ZNF221: variants seen among roughly 807,000 people sequenced by gnomAD.
ZNF221 encodes zinc finger protein 221.
In ZNF221, 10 loss-of-function variants were observed where a neutral mutation model predicts 12.6. That is an observed-to-expected ratio of 0.79 (90% CI 0.49 to 1.34). The LOEUF (loss-of-function observed/expected upper bound fraction) is 1.34. Among genes scored for constraint, ZNF221 ranks in the 40% most tolerant of loss-of-function variants. ZNF221 has a pLI of 0.00. For missense variants in ZNF221, 661 were observed against 721.4 expected (o/e 0.92, Z 0.96); for synonymous variants, 232 against 244.0 (o/e 0.95, Z 0.46).
At chr19:43,981,469 A>T in the ZNF221 span, among the ~76,000 whole-genome samples, 1 of 152,224 alleles carries the variant, frequency 6.6e-6, no homozygotes, top group Non-Finnish European at 1.5e-5. Context: ...ATAATATACA[A>T]ATGTACAAGT....
chr19:43,963,825 T>G (rs1449725196), intron 2 of ZNF221, among the ~76,000 whole-genome samples: 1 of 152,208 alleles, frequency 6.6e-6, no homozygotes, highest in African/African-American at 2.4e-5. Flanking sequence ...TTCTTCCTAA[T>G]CATATTACCG....
Position 43,967,424 on chromosome 19 carries a change from G to T in ZNF221, c.*68G>T. Reference sequence around the variant, plus strand: ...TCTGACCCATCAATTCTCCACAGCAGAGAAAAACCATTCAAATATGAGAAC... The same window carrying T: ...TCTGACCCATCAATTCTCCACAGCATAGAAAAACCATTCAAATATGAGAAC... On this transcript the variant is annotated 3_prime_UTR_variant, in exon 5 of 5. Transcript: ENST00000587682. The T allele has an allele frequency of 8.4e-7, 1 of 1,186,242 alleles. No individual in the cohort carries two copies. The highest frequency in any genetic ancestry group is 1.2e-6 in the Non-Finnish European group (1 of 830,478). The allele number at this position is 1,186,242 out of a possible 1,614,324, so 73.5% of individuals were successfully genotyped here.
chr19:43,957,194 T>G (rs11878420), intron 1 of ZNF221, among the ~76,000 whole-genome samples: 111,991 of 152,006 alleles, frequency 0.74, 43,139 homozygotes, highest in Non-Finnish European at 0.86. Context: ...TTTTTTATTT[T>G]TTTTGAGATG....
chr19:43,980,737 A>G, the ZNF221 span, among the ~76,000 whole-genome samples: 1 of 152,160 alleles, frequency 6.6e-6, no homozygotes, highest in African/African-American at 2.4e-5. Flanking sequence ...ACGATCAAAA[A>G]ATAGCGTCAC....
At position 43,965,979 on chromosome 19, in the gene ZNF221, ACTAT is replaced by A. The variant is rs1312763282; in HGVS notation, c.482_485del (p.Ser161Ter). 1 of 1,614,246 alleles carries A rather than the reference ACTAT, an allele frequency of 6.2e-7. No homozygotes were observed. Among genetic ancestry groups the A allele is most frequent in the Non-Finnish European group, 8.5e-7 (1 of 1,180,036 alleles). ...ATGTCCCCTGCCAGATTGAGGCAAG[ACTAT>A]CTATAAGTCACGTGCAACAGAAACC... is the stretch of plus-strand genomic sequence containing the variant. On this transcript the variant is annotated frameshift_variant, in exon 5 of 5. Coordinates refer to ENST00000587682, the MANE Select transcript of ZNF221 (RefSeq NM_001297588.2). LOFTEE classifies it low-confidence loss of function (END_TRUNC).
In ZNF221 at chr19:43,966,445, T is replaced by C. The variant is rs1337100390; in HGVS notation, c.943T>C (p.Cys315Arg). The C allele has an allele frequency of 6.2e-6, 10 of 1,614,078 alleles. No homozygotes were observed. The highest frequency in any genetic ancestry group is 8.5e-6 in the Non-Finnish European group (10 of 1,180,048). ...GGAGAAGCCATTCAAATGTGATATA[T>C]GTGGTAAGAGCTTCCGTGTTAGATC... is the stretch of plus-strand genomic sequence containing the variant. The part of the protein sequence containing the change: ...TGEKPFKCDI[C>R]GKSFRVRSRL... Residue 315 changes from cysteine to arginine, a missense_variant, in exon 5 of 5, where the codon TGT (cysteine) becomes CGT (arginine). Physicochemically the swap from Cys to Arg is radical, Grantham distance 180. Coordinates refer to ENST00000587682, the MANE Select transcript of ZNF221 (RefSeq NM_001297588.2).
Position 43,967,420 on chromosome 19 carries a change from A to G in ZNF221, c.*64A>G. 2 of 1,242,824 alleles carry G rather than the reference A, an allele frequency of 1.6e-6. No individual in the cohort carries two copies. Among genetic ancestry groups the G allele is most frequent in the Non-Finnish European group, 1.1e-6 (1 of 878,650 alleles). 77.0% of individuals were successfully genotyped at this position (1,242,824 alleles called of 1,614,324 possible). On this transcript the variant is annotated 3_prime_UTR_variant, in exon 5 of 5. Coordinates refer to ENST00000587682, the MANE Select transcript of ZNF221 (RefSeq NM_001297588.2). ...CTCATCTGACCCATCAATTCTCCAC[A>G]GCAGAGAAAAACCATTCAAATATGA... is the stretch of plus-strand genomic sequence containing the variant.
the ZNF221 span, among the ~76,000 whole-genome samples, chr19:43,978,942 T>G: frequency 0.056 from 8,160 of 146,022 alleles, 225 homozygotes; most frequent in Middle Eastern, 0.087. Flanking sequence ...TGTTTTTTTT[T>G]TTTTTTTTTT....
intron 1 of ZNF221, among the ~76,000 whole-genome samples, chr19:43,959,385 C>T (rs1276492023): frequency 6.6e-6 from 1 of 152,174 alleles, no homozygotes; most frequent in African/African-American, 2.4e-5. Flanking sequence ...AAAATTCGAA[C>T]TTGGTCAAGC....
Position 43,962,811 on chromosome 19 carries a change from A to C in ZNF221, c.81+4A>C. 1 of 1,612,390 alleles carries C rather than the reference A, an allele frequency of 6.2e-7. No individual in the cohort carries two copies. The highest frequency in any genetic ancestry group is 8.5e-7 in the Non-Finnish European group (1 of 1,178,858). ...AGGAAAAATGACCACATTCAAAGTGAGTAGGGCTTGCCTCTCTTGCTGTTA... is the reference window on the plus strand; with the variant it reads ...AGGAAAAATGACCACATTCAAAGTGCGTAGGGCTTGCCTCTCTTGCTGTTA... On this transcript the variant is annotated splice_donor_region_variant and intron_variant, in intron 2 of 4. Coordinates refer to ENST00000587682, the MANE Select transcript of ZNF221 (RefSeq NM_001297588.2).
At position 43,966,788 on chromosome 19, in the gene ZNF221, A is replaced by C. The variant is rs768629720; in HGVS notation, c.1286A>C (p.Lys429Thr). The change falls in exon 5 of 5, where the codon AAG (lysine) becomes ACG (threonine). Residue 429 changes from lysine (K) to threonine (T), a missense_variant. Coordinates refer to ENST00000587682, the MANE Select transcript of ZNF221 (RefSeq NM_001297588.2). ...TCCTTCAAATGTGAAGAATGTGGGA[A>C]GGGATTTTATACAAATTCACGACGA... is the stretch of plus-strand genomic sequence containing the variant. ...QKSFKCEECG[K>T]GFYTNSRRSS... 1 of 1,614,222 alleles carries C rather than the reference A, an allele frequency of 6.2e-7. No individual in the cohort carries two copies. Among genetic ancestry groups the C allele is most frequent in the East Asian group, 2.2e-5 (1 of 44,890 alleles).
At chr19:43,958,430 G>A (rs912948819) in intron 1 of ZNF221, among the ~76,000 whole-genome samples, 1 of 152,166 alleles carries the variant, frequency 6.6e-6, no homozygotes, top group African/African-American at 2.4e-5. Flanking sequence ...ATCCCACCGA[G>A]CATTTATAGG....
chr19:43,966,723 A>G lies in ZNF221; in HGVS notation c.1221A>G (p.Ser407=). 2 of 1,614,240 alleles carry G rather than the reference A, an allele frequency of 1.2e-6. No individual in the cohort carries two copies. Among genetic ancestry groups the G allele is most frequent in the African/African-American group, 1.3e-5 (1 of 75,058 alleles). ...GTGGGAAGACCTTCAGATGGTCCTC[A>G]TGTCTTTTGAACCATCAGCAAGTCC... ...KECGKTFRWS[S]CLLNHQQVHS... is the part of the protein sequence containing the mutation. Residue 407 remains serine (S), a synonymous_variant, in exon 5 of 5, where the codon TCA becomes TCG. Coordinates refer to ENST00000587682, the MANE Select transcript of ZNF221 (RefSeq NM_001297588.2).
intron 4 of ZNF221, 36 bp downstream of exon 4, chr19:43,965,361 C>G (rs1974923858): frequency 6.5e-7 from 1 of 1,547,426 alleles, no homozygotes; most frequent in Non-Finnish European, 8.8e-7. Flanking sequence ...TTGTACATGA[C>G]TCTTCCATCT....
intron 1 of ZNF221, 102 bp from the exon 2 acceptor site, chr19:43,962,623 T>G: frequency 8.7e-7 from 1 of 1,151,058 alleles, no homozygotes; most frequent in South Asian, 1.2e-5. Context: ...AATGCTGCTA[T>G]GAACATTCAT....
chr19:43,971,624 C>T (rs538822161), downstream of ZNF221, among the ~76,000 whole-genome samples: 2 of 133,770 alleles, frequency 1.5e-5, no homozygotes, highest in Non-Finnish European at 3.2e-5. Flanking sequence ...TTTGACAAAA[C>T]AGACTTTAAA....
At chr19:43,963,491 G>C (rs1042514975) in intron 2 of ZNF221, among the ~76,000 whole-genome samples, 5 of 152,194 alleles carry the variant, frequency 3.3e-5, no homozygotes, top group African/African-American at 9.7e-5. Context: ...GCTAGATTCT[G>C]TGTTTGCCAT....
chr19:43,962,762 ACT>A lies in ZNF221; in HGVS notation c.39_40del (p.Cys14GlnfsTer4), dbSNP rs780956282. The A allele has an allele frequency of 1.9e-6, 3 of 1,613,754 alleles. No individual in the cohort carries two copies. The African/African-American group carries it at 4.0e-5, about 22-fold the overall frequency. Reference protein sequence around the residue: ...SPSLELLHSGLCKFPEVEGKM... With the variant: ...SPSLELLHSGXCKFPEVEGKM... Reference sequence around the variant, plus strand: ...CTTCACTTGAACTGCTTCATTCAGGACTCTGCAAATTCCCTGAAGTAGAAGGA... The same window carrying A: ...CTTCACTTGAACTGCTTCATTCAGGACTGCAAATTCCCTGAAGTAGAAGGA... On this transcript the variant is annotated frameshift_variant, in exon 2 of 5. Coordinates refer to ENST00000587682, the MANE Select transcript of ZNF221 (RefSeq NM_001297588.2). LOFTEE classifies it high-confidence loss of function.
At chr19:43,980,619 T>A in the ZNF221 span, among the ~76,000 whole-genome samples, 2 of 152,246 alleles carry the variant, frequency 1.3e-5, no homozygotes, top group African/African-American at 4.8e-5. Context: ...ATAAATCTTA[T>A]AATAATTCAT....
Sources: gnomAD v4.1 joint callset for allele counts (sites outside exome capture counted in the v4.1 genomes callset) on GRCh38, gnomAD v4.1.1 for gene constraint, MANE v1.5 for transcripts, NCBI Gene and HGNC (gene_info 2026-07-23, HGNC 2026-07-21) for gene names.